The following TMEM254 variants were observed in gnomAD, a reference collection of about 807,000 sequenced individuals.
TMEM254 encodes transmembrane protein C10orf57.
A neutral mutation model predicts 13.9 loss-of-function variants in TMEM254; 16 were observed. That is an observed-to-expected ratio of 1.15 (90% CI 0.78 to 1.75). The LOEUF (loss-of-function observed/expected upper bound fraction) is 1.75. TMEM254 is among the 40% of genes most tolerant of loss of function. TMEM254 has a pLI of 0.00. For synonymous variants in TMEM254, 61 were observed against 56.4 expected (o/e 1.08, Z -0.36); for missense variants, 155 against 149.0 (o/e 1.04, Z -0.21).
At chr10:80,088,481 T>TGATG (rs1445091707) in intron 3 of TMEM254, among the ~76,000 whole-genome samples, 1 of 151,976 alleles carries the variant, frequency 6.6e-6, no homozygotes, top group Non-Finnish European at 1.5e-5. Context: ...ATCAAATATT[T>TGATG]CTATTATTGA....
chr10:80,084,189 G>C (rs1041226459), intron 3 of TMEM254, among the ~76,000 whole-genome samples: 2 of 152,140 alleles, frequency 1.3e-5, no homozygotes, highest in Non-Finnish European at 2.9e-5. Flanking sequence ...TTTCTCTCTA[G>C]AGGGGATGTG....
chr10:80,084,632 G>C (rs887714396), intron 3 of TMEM254, among the ~76,000 whole-genome samples: 2 of 152,046 alleles, frequency 1.3e-5, no homozygotes, highest in Admixed American at 6.6e-5. Flanking sequence ...CTCTGGGCTT[G>C]ACTTGTGGGA....
chr10:80,079,389 A>C lies in TMEM254; in HGVS notation c.87+603A>C, dbSNP rs79749292. 1.3e-4 allele frequency: 147 copies of C among 1,115,816 alleles called. No individual in the cohort carries two copies. In the East Asian group the frequency reaches 0.01, roughly 77 times the overall value. The allele number at this position is 1,115,816 out of a possible 1,614,324, so 69.1% of individuals were successfully genotyped here. On this transcript the variant is annotated intron_variant, in intron 1 of 3. Transcript: ENST00000372281. ...TTTGGGTCCTCACCTCTGCATGGTT[A>C]CTAACGGGTTATCCGAGCCTAAGCC...
At position 80,079,226 on chromosome 10, in the gene TMEM254, C is replaced by G. The variant is rs749883776; in HGVS notation, c.87+440C>G. 364 of 1,266,864 alleles carry G rather than the reference C, an allele frequency of 2.9e-4. 1 individual carries two copies. The highest frequency in any genetic ancestry group is 1.2e-3 in the Middle Eastern group (4 of 3,360). The allele number at this position is 1,266,864 out of a possible 1,614,324, so 78.5% of individuals were successfully genotyped here. ...GGCGGGGCGGGCCTCTGTTTTGGCC[C>G]GCCGGGCCCTCGTAGGGCGAGGGGA... On this transcript the variant is annotated intron_variant, in intron 1 of 3. Coordinates refer to ENST00000372281, the MANE Select transcript of TMEM254 (RefSeq NM_025125.4).
chr10:80,085,545 C>T (rs541547493), intron 3 of TMEM254, among the ~76,000 whole-genome samples: 30 of 149,204 alleles, frequency 2.0e-4, no homozygotes, highest in Middle Eastern at 3.4e-3. Context: ...TTAGCCTGGG[C>T]GACAAAGTGA....
At chr10:80,090,220 T>C (rs1183846994) in intron 3 of TMEM254, among the ~76,000 whole-genome samples, 1 of 152,178 alleles carries the variant, frequency 6.6e-6, no homozygotes, top group East Asian at 1.9e-4. Flanking sequence ...GGTCATCTTT[T>C]TTTTGCACTT....
chr10:80,082,951 A>G (rs1279471362), intron 3 of TMEM254, among the ~76,000 whole-genome samples: 3 of 152,104 alleles, frequency 2.0e-5, no homozygotes, highest in Non-Finnish European at 2.9e-5. Context: ...TTATTTTTCT[A>G]TTCTAAAAGT....
At chr10:80,081,509 A>AT in intron 1 of TMEM254, 1 of 627,008 alleles carries the variant, frequency 1.6e-6, no homozygotes. Context: ...TCTATATACA[A>AT]TTTTTAAAAG....
chr10:80,088,188 A>G (rs1844405287), intron 3 of TMEM254, among the ~76,000 whole-genome samples: 2 of 151,670 alleles, frequency 1.3e-5, no homozygotes, highest in Middle Eastern at 3.2e-3. Context: ...TGAACACTCT[A>G]TTCTGTTCCA....
At chr10:80,085,293 C>T (rs1003093159) in intron 3 of TMEM254, among the ~76,000 whole-genome samples, 5 of 152,020 alleles carry the variant, frequency 3.3e-5, no homozygotes, top group Non-Finnish European at 5.9e-5. Context: ...GGTACGGTGG[C>T]TCATGCCTGT....
chr10:80,081,881 TTGGGCCCC>T lies in TMEM254; in HGVS notation c.138_145del (p.Gly47HisfsTer37), dbSNP rs1844050665. The T allele has an allele frequency of 6.2e-7, 1 of 1,614,136 alleles. No homozygotes were observed. Among genetic ancestry groups the T allele is most frequent in the Admixed American group, 1.7e-5 (1 of 60,004 alleles). ...CCTCAGAGTATCCCTTATCAGAACC[TTGGGCCCC>T]TGGGCCCCTTCACTCAGTACTTGGT... On this transcript the variant is annotated frameshift_variant, in exon 2 of 4. Coordinates refer to ENST00000372281, the MANE Select transcript of TMEM254 (RefSeq NM_025125.4). LOFTEE classifies it high-confidence loss of function.
intron 3 of TMEM254, among the ~76,000 whole-genome samples, chr10:80,082,825 A>G (rs1316047452): frequency 1.3e-5 from 2 of 152,212 alleles, no homozygotes; most frequent in East Asian, 3.8e-4. Context: ...TACAGAAAGT[A>G]TGGTACAATG....
At chr10:80,085,566 CAA>C (rs1026540064) in intron 3 of TMEM254, among the ~76,000 whole-genome samples, 1 of 125,434 alleles carries the variant, frequency 8.0e-6, no homozygotes, top group Non-Finnish European at 1.7e-5. Flanking sequence ...GACTCTGTCT[CAA>C]AAAAAAAAAA....
Position 80,079,343 on chromosome 10 carries a change from C to T in TMEM254, c.87+557C>T, listed in dbSNP as rs929380974. ...ATTCGGTGGGCTCTTAGGATAGTTT[C>T]TGCTTTCTAGTGTTCCTGTCTTTGG... On this transcript the variant is annotated intron_variant, in intron 1 of 3. Coordinates refer to ENST00000372281, the MANE Select transcript of TMEM254 (RefSeq NM_025125.4). 5.6e-5 allele frequency: 67 copies of T among 1,187,032 alleles called. No individual in the cohort carries two copies. In the Middle Eastern group the frequency reaches 1.2e-3, roughly 21 times the overall value. The allele number at this position is 1,187,032 out of a possible 1,614,324, so 73.5% of individuals were successfully genotyped here.
chr10:80,090,542 C>A, intron 3 of TMEM254: 1 of 684,222 alleles, frequency 1.5e-6, no homozygotes, highest in Non-Finnish European at 2.7e-6. Flanking sequence ...GAGAAACAGT[C>A]TTATAATACT....
At chr10:80,088,767 CAA>C (rs10670160) in intron 3 of TMEM254, among the ~76,000 whole-genome samples, 14,272 of 118,240 alleles carry the variant, frequency 0.12, 863 homozygotes, top group South Asian at 0.24. Flanking sequence ...GACTCCGTCT[CAA>C]AAAAAAAAAA....
At chr10:80,087,405 G>A (rs1483495567) in intron 3 of TMEM254, among the ~76,000 whole-genome samples, 3 of 151,960 alleles carry the variant, frequency 2.0e-5, no homozygotes, top group Admixed American at 6.6e-5. Flanking sequence ...CACTTTGAGA[G>A]GCTGAGGCTG....
At chr10:80,090,004 C>CAA (rs376006872) in intron 3 of TMEM254, among the ~76,000 whole-genome samples, 2 of 85,180 alleles carry the variant, frequency 2.3e-5, no homozygotes, top group Non-Finnish European at 5.0e-5. Flanking sequence ...GACTCCATCT[C>CAA]AAAAAAAAAA....
At chr10:80,083,083 T>C (rs1181877952) in intron 3 of TMEM254, among the ~76,000 whole-genome samples, 1 of 151,752 alleles carries the variant, frequency 6.6e-6, no homozygotes, top group African/African-American at 2.4e-5. Context: ...TGTTTTCTTG[T>C]TTATTAAACA....
Sources: gnomAD v4.1 joint callset for allele counts (sites outside exome capture counted in the v4.1 genomes callset) on GRCh38, gnomAD v4.1.1 for gene constraint, MANE v1.5 for transcripts, NCBI Gene and HGNC (gene_info 2026-07-23, HGNC 2026-07-21) for gene names.